The following ELOVL2 variants were observed in gnomAD, a reference collection of about 807,000 sequenced individuals.
ELOVL2 encodes the protein ELOVL fatty acid elongase 2, also known as very long chain fatty acid elongase 2.
In ELOVL2, 38 loss-of-function variants were observed where a neutral mutation model predicts 37.7. That is an observed-to-expected ratio of 1.01 (90% CI 0.78 to 1.32). The LOEUF (loss-of-function observed/expected upper bound fraction) is 1.32, where lower values mean the gene tolerates loss of function less well. ELOVL2 is among the 40% of genes most tolerant of loss of function. ELOVL2 has a pLI of 0.00. For missense variants in ELOVL2, 352 were observed against 363.6 expected, an observed-to-expected ratio of 0.97 and a Z score of 0.26; for synonymous variants, 115 against 122.3, an observed-to-expected ratio of 0.94 and a Z score of 0.40.
rs932035782 is a variant in ELOVL2, at chr6:11,044,114, G to T, written c.3+114C>A. The T allele has an allele frequency of 9.4e-6, 12 of 1,282,520 alleles. No homozygotes were observed. The highest frequency in any genetic ancestry group is 3.8e-5 in the Admixed American group (1 of 26,274). The allele number at this position is 1,282,520 out of a possible 1,614,324, so 79.4% of individuals were successfully genotyped here. A position where few individuals can be genotyped will look rare whatever the true frequency, so the allele number is the denominator to read the frequency against. On this transcript the variant is annotated intron_variant, in intron 1 of 7. Transcript: ENST00000354666. This position sits in a 1 kb window ranked among gnomAD's most constrained non-coding sequence, Gnocchi z 5.6. ...CCCTCCGAGGGTAGCGGGTTCCAGC[G>T]GCGAACCCGCAGCGCCCGCGCCGGC...
At chr6:11,037,224 GGAGA>G (rs750001136) in intron 1 of ELOVL2, among the ~76,000 whole-genome samples, 2 of 142,314 alleles carry the variant, frequency 1.4e-5, no homozygotes, top group Non-Finnish European at 1.5e-5. Flanking sequence ...AGGCAGAGGA[GGAGA>G]GAGACAGAGG....
chr6:11,034,412 G>A (rs1782978001), intron 1 of ELOVL2, among the ~76,000 whole-genome samples: 1 of 148,862 alleles, frequency 6.7e-6, no homozygotes, highest in Admixed American at 6.7e-5. Context: ...GCCGGGCATG[G>A]TGGCTCACGC....
At chr6:11,039,596 T>C (rs976560614) in intron 1 of ELOVL2, among the ~76,000 whole-genome samples, 3 of 151,128 alleles carry the variant, frequency 2.0e-5, no homozygotes, top group Non-Finnish European at 2.9e-5. Flanking sequence ...ACAATTCTCA[T>C]CTAGCTATTT....
intron 1 of ELOVL2, among the ~76,000 whole-genome samples, chr6:11,031,516 A>G (rs1782929618): frequency 6.6e-6 from 1 of 152,194 alleles, no homozygotes; most frequent in South Asian, 2.1e-4. Flanking sequence ...GCTGCCATTA[A>G]ATAACCTTTA....
chr6:11,024,897 T>C (rs750209048), intron 1 of ELOVL2, among the ~76,000 whole-genome samples: 5 of 152,244 alleles, frequency 3.3e-5, no homozygotes, highest in African/African-American at 4.8e-5. Flanking sequence ...GGATTTCCCA[T>C]GTATACATTT....
intron 1 of ELOVL2, among the ~76,000 whole-genome samples, chr6:11,028,834 T>C (rs1039250186): frequency 6.6e-6 from 1 of 152,082 alleles, no homozygotes; most frequent in African/African-American, 2.4e-5. Context: ...GCAGGTATGT[T>C]CATCCCCCTT....
chr6:10,987,090 G>T (rs1004555153), intron 7 of ELOVL2, among the ~76,000 whole-genome samples: 2 of 152,204 alleles, frequency 1.3e-5, no homozygotes, highest in Admixed American at 6.5e-5. Context: ...GGGTGTATGT[G>T]TCGAGGAATT....
intron 1 of ELOVL2, among the ~76,000 whole-genome samples, chr6:11,022,185 G>A (rs979681764): frequency 6.6e-6 from 1 of 152,200 alleles, no homozygotes; most frequent in Non-Finnish European, 1.5e-5. Context: ...TCTCCTCAAC[G>A]TTTCCACAGA....
At chr6:10,986,668 T>C (rs1467343446) in intron 7 of ELOVL2, among the ~76,000 whole-genome samples, 6 of 152,214 alleles carry the variant, frequency 3.9e-5, no homozygotes, top group Non-Finnish European at 7.4e-5. Context: ...TTTGCATATA[T>C]TGAACCAGCC....
At chr6:10,997,830 C>G (rs1453821358) in intron 4 of ELOVL2, among the ~76,000 whole-genome samples, 1 of 152,166 alleles carries the variant, frequency 6.6e-6, no homozygotes, top group Non-Finnish European at 1.5e-5. Flanking sequence ...ATTGAGTCGT[C>G]ATTATGAAGT....
chr6:10,987,864 C>T (rs751843725), intron 7 of ELOVL2, among the ~76,000 whole-genome samples: 2 of 151,800 alleles, frequency 1.3e-5, no homozygotes, highest in Non-Finnish European at 2.9e-5. Context: ...TGACAAAATA[C>T]CTGATCTCGC....
intron 3 of ELOVL2, among the ~76,000 whole-genome samples, chr6:11,002,111 C>T: frequency 6.6e-6 from 1 of 152,182 alleles, no homozygotes; most frequent in Middle Eastern, 3.2e-3. Flanking sequence ...CTTTCCATTA[C>T]ACTTAGAGTG....
chr6:11,016,868 G>T (rs975525477), intron 1 of ELOVL2, among the ~76,000 whole-genome samples: 4 of 152,214 alleles, frequency 2.6e-5, no homozygotes, highest in Non-Finnish European at 5.9e-5. Flanking sequence ...TGGCTGTCGT[G>T]CAGCTGACTT....
chr6:10,992,797 AAAC>A (rs1782188308), intron 5 of ELOVL2, among the ~76,000 whole-genome samples: 1 of 108,720 alleles, frequency 9.2e-6, no homozygotes, highest in Non-Finnish European at 1.9e-5. Flanking sequence ...AAAAAAAACA[AAAC>A]AAAAAAAAAC....
At chr6:11,019,853 C>A (rs1782738808) in intron 1 of ELOVL2, among the ~76,000 whole-genome samples, 1 of 150,932 alleles carries the variant, frequency 6.6e-6, no homozygotes, top group African/African-American at 2.4e-5. Flanking sequence ...AAGTGATTCT[C>A]CCGCCTCAGC....
At chr6:11,001,694 A>G (rs1782386073) in intron 3 of ELOVL2, among the ~76,000 whole-genome samples, 1 of 152,188 alleles carries the variant, frequency 6.6e-6, no homozygotes. Flanking sequence ...GGCTGTCCCC[A>G]TTCCTGTGGC....
intron 2 of ELOVL2, among the ~76,000 whole-genome samples, chr6:11,010,058 C>G (rs1308930804): frequency 6.9e-6 from 1 of 144,670 alleles, no homozygotes; most frequent in Non-Finnish European, 1.5e-5. Flanking sequence ...GAGTCTCACT[C>G]TGTTGCCCAG....
At chr6:10,998,491 C>T (rs1311595290) in intron 4 of ELOVL2, among the ~76,000 whole-genome samples, 1 of 151,998 alleles carries the variant, frequency 6.6e-6, no homozygotes, top group Non-Finnish European at 1.5e-5. Context: ...CAAAAGGTAA[C>T]AATAAGAGCT....
chr6:11,032,768 A>G (rs1005826756), intron 1 of ELOVL2, among the ~76,000 whole-genome samples: 4 of 152,228 alleles, frequency 2.6e-5, no homozygotes, highest in African/African-American at 4.8e-5. Context: ...CAGAGTTTAT[A>G]TTGCAGTAAG....
Sources: gnomAD v4.1 joint callset for allele counts (sites outside exome capture counted in the v4.1 genomes callset) on GRCh38, gnomAD v4.1.1 for gene constraint, Gnocchi (gnomAD v3.1) non-coding constraint, MANE v1.5 for transcripts, NCBI Gene and HGNC (gene_info 2026-07-23, HGNC 2026-07-21) for gene names.